The following IGF1 variants were observed in gnomAD, a reference collection of about 807,000 sequenced individuals.
IGF1 encodes the protein insulin like growth factor 1, also known as insulin-like growth factor 1.
IGF1 carries 4 observed loss-of-function variants against 13.8 expected under a neutral mutation model. The observed-to-expected ratio is 0.29, with a 90% CI of 0.14 to 0.66. The LOEUF (loss-of-function observed/expected upper bound fraction) is 0.66, where lower values mean the gene tolerates loss of function less well. IGF1 is among the 30% of genes least tolerant of loss of function. The pLI, the probability that IGF1 is intolerant of heterozygous loss-of-function variation, is 0.78. For synonymous variants in IGF1, 76 were observed against 72.6 expected (o/e 1.05, Z -0.23); for missense variants, 124 against 188.5 (o/e 0.66, Z 2.00).
chr12:102,425,616 T>A (rs1188624575), intron 2 of IGF1, among the ~76,000 whole-genome samples: 2 of 152,334 alleles, frequency 1.3e-5, no homozygotes, highest in South Asian at 2.1e-4. Flanking sequence ...GAAGCCCAAG[T>A]CAAGAGCAGG....
Position 102,399,601 on chromosome 12 carries a change from T to A in IGF1, c.*2906A>T, listed in dbSNP as rs1488053308. 1.3e-5 allele frequency: 2 copies of A among 152,200 alleles called. No homozygotes were observed. The highest frequency in any genetic ancestry group is 3.8e-4 in the East Asian group (2 of 5,202). The allele number at this position is 152,200 out of a possible 1,614,324, so 9.4% of individuals were successfully genotyped here. A position where few individuals can be genotyped will look rare whatever the true frequency, so the allele number is the denominator to read the frequency against. On this transcript the variant is annotated 3_prime_UTR_variant, in exon 4 of 4. Transcript: ENST00000337514. Reference sequence around the variant, plus strand: ...AAAATAAAATAGTGAATTGGTATAATGAGTTATTTTCAATTTATTTATAAT... The same window carrying A: ...AAAATAAAATAGTGAATTGGTATAAAGAGTTATTTTCAATTTATTTATAAT...
rs546206674 is a variant in IGF1, at chr12:102,453,195, G to T, written c.220+22448C>A. On this transcript the variant is annotated intron_variant, in intron 2 of 3. Transcript: ENST00000337514. ...TTTACAGTCAAGCAAGGCTAAAGCT[G>T]GAATAATGTGTTAGGTGTGTGGCCT... is the stretch of plus-strand genomic sequence containing the variant. Among the ~76,000 whole-genome samples the T allele has an allele frequency of 4.2e-4, 64 of 152,256 alleles. No individual in the cohort carries two copies. In the South Asian group the frequency reaches 8.3e-3, roughly 20 times the overall value.
intron 2 of IGF1, among the ~76,000 whole-genome samples, chr12:102,459,711 T>G (rs1021063421): frequency 2.0e-5 from 3 of 152,212 alleles, no homozygotes; most frequent in Non-Finnish European, 4.4e-5. Flanking sequence ...GTCTAAATTT[T>G]TGAATGTTCA....
At chr12:102,416,677 T>G (rs2136987688) in intron 3 of IGF1, among the ~76,000 whole-genome samples, 1 of 152,284 alleles carries the variant, frequency 6.6e-6, no homozygotes, top group African/African-American at 2.4e-5. Flanking sequence ...AAACTCAGGG[T>G]TTCAGATATA....
In IGF1 at chr12:102,400,555, T is replaced by G. The variant is rs1257260885; in HGVS notation, c.*1952A>C. The stretch of plus-strand genomic sequence containing the variant: ...TAGTCAAGCATATTTTAACAAACTT[T>G]TAAAAAAATGTATATACAGCTAAGA... On this transcript the variant is annotated 3_prime_UTR_variant, in exon 4 of 4. Coordinates refer to ENST00000337514, the MANE Select transcript of IGF1 (RefSeq NM_000618.5). 6.6e-6 allele frequency: 1 copy of G among 152,150 alleles called. No individual in the cohort carries two copies. Among genetic ancestry groups the G allele is most frequent in the Non-Finnish European group, 1.5e-5 (1 of 68,002 alleles). The allele number at this position is 152,150 out of a possible 1,614,324, so 9.4% of individuals were successfully genotyped here.
At position 102,401,775 on chromosome 12, in the gene IGF1, A is replaced by G. The variant is rs547402595; in HGVS notation, c.*732T>C. 4 of 152,644 alleles carry G rather than the reference A, an allele frequency of 2.6e-5. No individual in the cohort carries two copies. Among genetic ancestry groups the G allele is most frequent in the African/African-American group, 4.8e-5 (2 of 41,462 alleles). 9.5% of individuals were successfully genotyped at this position (152,644 alleles called of 1,614,324 possible). ...CTCTTTTGAGTTGAAGAAACTTTCT[A>G]TGTTTAAAACATATGCCTAAAAATG... On this transcript the variant is annotated 3_prime_UTR_variant, in exon 4 of 4. Transcript: ENST00000337514.
intron 2 of IGF1, among the ~76,000 whole-genome samples, chr12:102,462,446 T>A (rs1472947869): frequency 1.3e-5 from 2 of 152,192 alleles, no homozygotes; most frequent in Non-Finnish European, 2.9e-5. Context: ...AAGTAAGCCT[T>A]TCTTTGTCTT....
chr12:102,407,245 G>C (rs1306148002), intron 3 of IGF1, among the ~76,000 whole-genome samples: 1 of 152,028 alleles, frequency 6.6e-6, no homozygotes, highest in Non-Finnish European at 1.5e-5. Flanking sequence ...ACCACATGAG[G>C]TGATGCGGTG....
rs1489363631 is a variant in IGF1 at position 102,396,801 on chromosome 12, T to C, written c.*5706A>G. 7.6e-6 allele frequency: 3 copies of C among 397,156 alleles called. No homozygotes were observed. The highest frequency in any genetic ancestry group is 6.2e-4 in the Middle Eastern group (1 of 1,602). 24.6% of individuals were successfully genotyped at this position (397,156 alleles called of 1,614,324 possible). On this transcript the variant is annotated 3_prime_UTR_variant, in exon 4 of 4. Transcript: ENST00000337514. The stretch of plus-strand genomic sequence containing the variant: ...TTTGTGTCCTCTCTTTTTTTTTTTT[T>C]ACTTTAAAAAAGCTTGGATTTTTTT...
intron 2 of IGF1, among the ~76,000 whole-genome samples, chr12:102,449,577 G>GGTTTTC (rs1878730250): frequency 1.3e-5 from 2 of 150,624 alleles, no homozygotes; most frequent in South Asian, 4.2e-4. Context: ...CCATTGCTAC[G>GGTTTTC]GTTTTCTGTT....
chr12:102,443,605 T>A (rs767470383), intron 2 of IGF1, among the ~76,000 whole-genome samples: 1 of 152,114 alleles, frequency 6.6e-6, no homozygotes, highest in Non-Finnish European at 1.5e-5. Flanking sequence ...TCACAGAGTA[T>A]TTTCATGATA....
intron 2 of IGF1, among the ~76,000 whole-genome samples, chr12:102,442,767 C>T (rs1028477591): frequency 9.9e-5 from 15 of 152,024 alleles, no homozygotes; most frequent in African/African-American, 2.9e-4. Context: ...GAAATATGGC[C>T]GCCAGGAACT....
At chr12:102,465,935 TCAAA>T (rs1487953908) in intron 2 of IGF1, among the ~76,000 whole-genome samples, 2 of 110,042 alleles carry the variant, frequency 1.8e-5, no homozygotes, top group African/African-American at 7.3e-5. Context: ...AGACTCTGTT[TCAAA>T]TAAATAAATA....
Position 102,396,959 on chromosome 12 carries a change from T to C in IGF1, c.*5548A>G. ...GGCTCATGCCTGTAATCCCAGCAAT[T>C]TGGGAGGCTGAGGCGGGCAAATCAC... On this transcript the variant is annotated 3_prime_UTR_variant, in exon 4 of 4. Coordinates refer to ENST00000337514, the MANE Select transcript of IGF1 (RefSeq NM_000618.5). The C allele has an allele frequency of 2.5e-6, 1 of 397,818 alleles. No individual in the cohort carries two copies. Among genetic ancestry groups the C allele is most frequent in the Non-Finnish European group, 4.4e-6 (1 of 225,700 alleles). 24.6% of individuals were successfully genotyped at this position (397,818 alleles called of 1,614,324 possible). A position where few individuals can be genotyped will look rare whatever the true frequency, so the allele number is the denominator to read the frequency against.
At chr12:102,479,395 C>A (rs770312441) in intron 1 of IGF1, among the ~76,000 whole-genome samples, 5 of 152,056 alleles carry the variant, frequency 3.3e-5, no homozygotes, top group East Asian at 1.9e-4. Context: ...AGCTTAAAAG[C>A]GCTTGCAAAT....
At chr12:102,432,529 A>C (rs1876829119) in intron 2 of IGF1, among the ~76,000 whole-genome samples, 1 of 152,198 alleles carries the variant, frequency 6.6e-6, no homozygotes, top group South Asian at 2.1e-4. Flanking sequence ...TTATATCCAG[A>C]TTTTCTCCCG....
At chr12:102,405,910 T>G (rs969641686) in intron 3 of IGF1, among the ~76,000 whole-genome samples, 12 of 152,246 alleles carry the variant, frequency 7.9e-5, no homozygotes, top group African/African-American at 4.8e-5. Flanking sequence ...TCCTATTTTT[T>G]GTCTCCAATA....
At chr12:102,478,317 GAAAA>G (rs913616635) in intron 1 of IGF1, among the ~76,000 whole-genome samples, 1 of 144,342 alleles carries the variant, frequency 6.9e-6, no homozygotes, top group African/African-American at 2.5e-5. Flanking sequence ...GAGAAAAAAA[GAAAA>G]AAAAATCAGA....
intron 2 of IGF1, among the ~76,000 whole-genome samples, chr12:102,440,640 T>C (rs1877637976): frequency 6.6e-6 from 1 of 152,166 alleles, no homozygotes; most frequent in Non-Finnish European, 1.5e-5. Flanking sequence ...ATCCTATCTT[T>C]GGTAGCTGGA....
Sources: gnomAD v4.1 joint callset for allele counts (sites outside exome capture counted in the v4.1 genomes callset) on GRCh38, gnomAD v4.1.1 for gene constraint, MANE v1.5 for transcripts, NCBI Gene and HGNC (gene_info 2026-07-23, HGNC 2026-07-21) for gene names.